The following IPO7 variants were observed in gnomAD, a reference collection of about 807,000 sequenced individuals.
The protein encoded by IPO7 is importin 7.
IPO7 carries 13 observed loss-of-function variants against 136.4 expected under a neutral mutation model. The observed-to-expected ratio is 0.10, with a 90% CI of 0.06 to 0.15. The LOEUF is 0.15. IPO7 is among the 10% of genes least tolerant of loss of function. The pLI is 1.00. For missense variants in IPO7, 857 were observed against 1,240.6 expected, an observed-to-expected ratio of 0.69 and a Z score of 4.65; for synonymous variants, 403 against 404.4, an observed-to-expected ratio of 1.00 and a Z score of 0.04.
chr11:9,420,825 T>G (rs2133748086), intron 8 of IPO7, 127 bp downstream of exon 8: 1 of 637,862 alleles, frequency 1.6e-6, no homozygotes, highest in Non-Finnish European at 2.7e-6. Flanking sequence ...GTCTCAAACA[T>G]TTTTGGTCTC....
intron 12 of IPO7, 103 bp downstream of exon 12, chr11:9,425,365 G>A (rs902659607): frequency 5.5e-6 from 4 of 721,766 alleles, no homozygotes; most frequent in East Asian, 2.5e-5. Flanking sequence ...CAGCACTTTC[G>A]GGATGCTGAG....
At chr11:9,418,906 ATAT>A (rs2133746131) in intron 6 of IPO7, among the ~76,000 whole-genome samples, 1 of 152,258 alleles carries the variant, frequency 6.6e-6, no homozygotes, top group Admixed American at 6.5e-5. Context: ...TTCACTTAAT[ATAT>A]TTATAAGATT....
intron 1 of IPO7, among the ~76,000 whole-genome samples, chr11:9,391,956 G>T (rs535582251): frequency 6.6e-6 from 1 of 151,752 alleles, no homozygotes; most frequent in African/African-American, 2.4e-5. Context: ...TTGTAGAGAC[G>T]AGGTCTGTCT....
chr11:9,435,453 G>A (rs1278279432), intron 19 of IPO7, among the ~76,000 whole-genome samples: 1 of 152,170 alleles, frequency 6.6e-6, no homozygotes, highest in Non-Finnish European at 1.5e-5. Flanking sequence ...ATAAACTGGA[G>A]TCCATCAATA....
At chr11:9,423,955 G>A in intron 10 of IPO7, 79 bp downstream of exon 10, 1 of 754,598 alleles carries the variant, frequency 1.3e-6, no homozygotes, top group Non-Finnish European at 2.3e-6. Context: ...CAACCTAGGG[G>A]GTATTATGTA....
chr11:9,398,051 T>C (rs1374036406), intron 1 of IPO7, among the ~76,000 whole-genome samples: 1 of 152,178 alleles, frequency 6.6e-6, no homozygotes, highest in Non-Finnish European at 1.5e-5. Context: ...CATACTGTAA[T>C]GTAAATGGTC....
At position 9,417,102 on chromosome 11, in the gene IPO7, A is replaced by G. The variant is rs1855052279; in HGVS notation, c.680A>G (p.Glu227Gly). 3.8e-6 allele frequency: 6 copies of G among 1,569,926 alleles called. No homozygotes were observed. The highest frequency in any genetic ancestry group is 1.7e-4 in the Middle Eastern group (1 of 5,992). ...CTGATAAACCAACAGAACCTGACAGAATGGATAGAAATTTTAAAGACTGTT... is the reference window on the plus strand; with the variant it reads ...CTGATAAACCAACAGAACCTGACAGGATGGATAGAAATTTTAAAGACTGTT... Reference protein sequence around the residue: ...LELINQQNLTEWIEILKTVVN... With the variant: ...LELINQQNLTGWIEILKTVVN... The change falls in exon 6 of 25, where the codon GAA becomes GGA. Residue 227 changes from glutamate (E) to glycine (G), a missense_variant. This residue lies in a region of IPO7 where 287 missense variants were observed against 307.5 expected (regional missense o/e 0.93). Coordinates refer to ENST00000379719, the MANE Select transcript of IPO7 (RefSeq NM_006391.3).
chr11:9,421,097 GATTAT>G (rs990752976), intron 8 of IPO7, among the ~76,000 whole-genome samples: 3 of 151,916 alleles, frequency 2.0e-5, no homozygotes, highest in African/African-American at 7.3e-5. Flanking sequence ...GAGTAGCTGG[GATTAT>G]AGGCATGTGC....
chr11:9,435,383 A>G (rs890547319), intron 19 of IPO7, among the ~76,000 whole-genome samples: 5 of 152,236 alleles, frequency 3.3e-5, no homozygotes, highest in Admixed American at 1.3e-4. Flanking sequence ...GTTAGCAGCT[A>G]TAGGTTTACA....
chr11:9,430,090 A>C (rs1360745141), intron 15 of IPO7, among the ~76,000 whole-genome samples: 2 of 152,074 alleles, frequency 1.3e-5, no homozygotes, highest in Non-Finnish European at 2.9e-5. Flanking sequence ...TGCACATTTC[A>C]CAGTAGGGTT....
At position 9,386,527 on chromosome 11, in the gene IPO7, C is replaced by T. The variant is rs768552593; in HGVS notation, c.84+1680C>T. On this transcript the variant is annotated intron_variant, in intron 1 of 24. Transcript: ENST00000379719. ...ATTTCTACCATGACTTTGCTCTAATCGCGTATTATTTTGACTAATTATACT... is the reference window on the plus strand; with the variant it reads ...ATTTCTACCATGACTTTGCTCTAATTGCGTATTATTTTGACTAATTATACT... Among the ~76,000 whole-genome samples the T allele has an allele frequency of 7.2e-5, 11 of 152,228 alleles. No individual in the cohort carries two copies. The South Asian group carries it at 8.3e-4, about 11-fold the overall frequency.
At chr11:9,400,894 A>G (rs975569099) in intron 1 of IPO7, among the ~76,000 whole-genome samples, 7 of 151,938 alleles carry the variant, frequency 4.6e-5, no homozygotes, top group African/African-American at 1.2e-4. Flanking sequence ...AGAAGATACT[A>G]AAATAGCTGG....
At chr11:9,408,449 A>C in intron 2 of IPO7, 37 bp from the exon 3 acceptor site, 1 of 1,357,456 alleles carries the variant, frequency 7.4e-7, no homozygotes, top group South Asian at 1.7e-5. Context: ...GTACTTTCAC[A>C]GTAAACATTC....
rs1855257115 is a variant in IPO7 at position 9,429,185 on chromosome 11, A to G, written c.1580A>G (p.Asn527Ser). 1.2e-6 allele frequency: 2 copies of G among 1,612,294 alleles called. No individual in the cohort carries two copies. The highest frequency in any genetic ancestry group is 1.7e-6 in the Non-Finnish European group (2 of 1,179,480). Residue 527 changes from asparagine (N) to serine (S), a missense_variant, in exon 14 of 25, where the codon AAT (asparagine) becomes AGT (serine). Coordinates refer to ENST00000379719, the MANE Select transcript of IPO7 (RefSeq NM_006391.3). ...ATTGCCCTTCAAGTATTGATCAGCA[A>G]TCAAGAAAAAGGTAAAGGATTTTTG... ...AAIALQVLIS[N>S]QEKAKEYITP...
intron 23 of IPO7, among the ~76,000 whole-genome samples, chr11:9,441,606 CTGAT>C (rs1237876268): frequency 6.6e-6 from 1 of 152,170 alleles, no homozygotes; most frequent in African/African-American, 2.4e-5. Flanking sequence ...GCAGCAAGAA[CTGAT>C]TGAGGTGCCA....
In IPO7 at chr11:9,429,948, C is replaced by T. The variant is rs113320667; in HGVS notation, c.1752+114C>T. On this transcript the variant is annotated intron_variant, in intron 15 of 24. Coordinates refer to ENST00000379719, the MANE Select transcript of IPO7 (RefSeq NM_006391.3). ...TTATAGCAGTCAACCTTTTTGGCAC[C>T]TGGGATCGGTTTCATGGAAGATAAT... 3.9e-4 allele frequency: 258 copies of T among 665,846 alleles called. No homozygotes were observed. The African/African-American group carries it at 4.5e-3, about 12-fold the overall frequency. 41.2% of individuals were successfully genotyped at this position (665,846 alleles called of 1,614,324 possible).
At chr11:9,432,073 C>T (rs1454626096) in intron 16 of IPO7, among the ~76,000 whole-genome samples, 1 of 152,150 alleles carries the variant, frequency 6.6e-6, no homozygotes, top group Non-Finnish European at 1.5e-5. Flanking sequence ...TCCTTTCTTC[C>T]CATAGAAGTA....
In IPO7 at chr11:9,384,652, C is replaced by G; in HGVS notation, c.-112C>G. ...ATCCGGGGCCTTGGCGCTTCTCTTT[C>G]CTTTCGCGCCGGTTGCCGCTGCGGA... On this transcript the variant is annotated 5_prime_UTR_variant, in exon 1 of 25. Coordinates refer to ENST00000379719, the MANE Select transcript of IPO7 (RefSeq NM_006391.3). 2.2e-6 allele frequency: 2 copies of G among 889,386 alleles called. No homozygotes were observed. Among genetic ancestry groups the G allele is most frequent in the Non-Finnish European group, 3.4e-6 (2 of 584,642 alleles). The allele number at this position is 889,386 out of a possible 1,614,324, so 55.1% of individuals were successfully genotyped here. A position where few individuals can be genotyped will look rare whatever the true frequency, so the allele number is the denominator to read the frequency against.
intron 1 of IPO7, among the ~76,000 whole-genome samples, chr11:9,402,197 C>T (rs538509389): frequency 1.1e-4 from 17 of 151,858 alleles, no homozygotes; most frequent in African/African-American, 3.1e-4. Flanking sequence ...GTCAGGAGTT[C>T]GAGACCAGCC....
Sources: gnomAD v4.1 joint callset for allele counts (sites outside exome capture counted in the v4.1 genomes callset) on GRCh38, gnomAD v4.1.1 for gene constraint, gnomAD v4.1.1 regional missense constraint, MANE v1.5 for transcripts, NCBI Gene and HGNC (gene_info 2026-07-23, HGNC 2026-07-21) for gene names.